NUP107: variants seen among roughly 807,000 people sequenced by gnomAD.
NUP107 encodes the protein nucleoporin 107.
A neutral mutation model predicts 141.0 loss-of-function variants in NUP107; 101 were observed. The observed-to-expected ratio is 0.72, with a 90% confidence interval of 0.61 to 0.84. NUP107 has a LOEUF of 0.84. Among genes scored for constraint, NUP107 ranks in the 40% least tolerant of loss-of-function variants. The pLI is 0.00. For missense variants in NUP107, 941 were observed against 1,102.7 expected (o/e 0.85, Z 2.08); for synonymous variants, 319 against 363.9 (o/e 0.88, Z 1.41).
intron 26 of NUP107, 84 bp downstream of exon 26, chr12:68,735,428 C>A (rs1251251413): frequency 1.1e-6 from 1 of 934,432 alleles, no homozygotes; most frequent in Non-Finnish European, 1.8e-6. Context: ...TAAATGGGAG[C>A]ATCTACAGAT....
At chr12:68,729,480 G>A (rs746086291) in intron 20 of NUP107, among the ~76,000 whole-genome samples, 9 of 146,114 alleles carry the variant, frequency 6.2e-5, no homozygotes, top group African/African-American at 1.0e-4. Context: ...TTTGATGCCC[G>A]GGCTGGAGTG....
chr12:68,699,892 GTGTTTT>G (rs950613861), intron 6 of NUP107, among the ~76,000 whole-genome samples: 5 of 151,950 alleles, frequency 3.3e-5, no homozygotes, highest in African/African-American at 4.8e-5. Context: ...TCCTGAAAAG[GTGTTTT>G]TGTTTTTGTT....
At chr12:68,714,135 G>GA (rs891143136) in intron 11 of NUP107, 160 of 194,514 alleles carry the variant, frequency 8.2e-4, no homozygotes, top group African/African-American at 3.4e-3. Context: ...GAAAGCAAGT[G>GA]AAAAAAAACT....
intron 8 of NUP107, among the ~76,000 whole-genome samples, chr12:68,704,896 C>T (rs141544199): frequency 1.5e-4 from 22 of 150,866 alleles, no homozygotes; most frequent in Non-Finnish European, 2.1e-4. Flanking sequence ...GTGGCCAGCA[C>T]GGCGGGGACA....
chr12:68,707,990 C>A (rs1876675977), intron 8 of NUP107, among the ~76,000 whole-genome samples: 1 of 151,966 alleles, frequency 6.6e-6, no homozygotes, highest in Non-Finnish European at 1.5e-5. Flanking sequence ...TCTTGGGAGG[C>A]TGAGGCATGA....
intron 12 of NUP107, among the ~76,000 whole-genome samples, chr12:68,716,512 T>C (rs1400973565): frequency 2.0e-5 from 3 of 152,170 alleles, no homozygotes; most frequent in African/African-American, 7.2e-5. Flanking sequence ...ATTGCAGGCA[T>C]GAGCCACTGC....
In NUP107 at chr12:68,702,753, C is replaced by T; in HGVS notation, c.698C>T (p.Ala233Val). ...ASLYRDRIQSALEEESVFAVT... is the reference protein window; with the variant it reads ...ASLYRDRIQSVLEEESVFAVT... ...TTCCCCAGAGACAGAATACAGTCTG[C>T]ATTAGAAGAGGAAAGTGTATTCGCA... The change falls in exon 8 of 28, where the codon GCA becomes GTA. Residue 233 changes from alanine (A) to valine (V), a missense_variant. Transcript: ENST00000229179. 1 of 1,546,906 alleles carries T rather than the reference C, an allele frequency of 6.5e-7. No individual in the cohort carries two copies. Among genetic ancestry groups the T allele is most frequent in the Admixed American group, 1.9e-5 (1 of 51,844 alleles).
At chr12:68,708,973 C>T (rs970821004) in intron 8 of NUP107, among the ~76,000 whole-genome samples, 1 of 152,088 alleles carries the variant, frequency 6.6e-6, no homozygotes. Context: ...AAAACACCAT[C>T]TCTGGGAAAA....
At chr12:68,714,476 T>C (rs1364388735) in intron 11 of NUP107, 1 of 152,236 alleles carries the variant, frequency 6.6e-6, no homozygotes, top group East Asian at 1.9e-4. Context: ...AAAGTGGTGA[T>C]TTCCTTTTGC....
chr12:68,687,780 T>C (rs1875570337), intron 1 of NUP107: 1 of 430,500 alleles, frequency 2.3e-6, no homozygotes, highest in African/African-American at 2.2e-5. Flanking sequence ...TTATTTAATC[T>C]TCAGAACAAG....
At position 68,721,890 on chromosome 12, in the gene NUP107, G is replaced by A. The variant is rs766395497; in HGVS notation, c.1361G>A (p.Arg454Gln). The A allele has an allele frequency of 2.5e-6, 4 of 1,614,034 alleles. No homozygotes were observed. The highest frequency in any genetic ancestry group is 1.7e-5 in the Admixed American group (1 of 59,996). Reference sequence around the variant, plus strand: ...GAAGACACAGTTTGGGCCTACTTCCGGGTGATGGTGGACAGTCTGGTAGAA... The same window carrying A: ...GAAGACACAGTTTGGGCCTACTTCCAGGTGATGGTGGACAGTCTGGTAGAA... ...TWEDTVWAYF[R>Q]VMVDSLVEQE... is the part of the protein sequence containing the mutation. Residue 454 changes from arginine (R) to glutamine (Q), a missense_variant, in exon 16 of 28, where the codon CGG becomes CAG. Transcript: ENST00000229179.
chr12:68,691,773 G>A (rs1875795421), intron 4 of NUP107, among the ~76,000 whole-genome samples, 195 bp from the exon 5 acceptor site: 1 of 151,650 alleles, frequency 6.6e-6, no homozygotes, highest in Non-Finnish European at 1.5e-5. Flanking sequence ...GGCAAAGGTT[G>A]CGTTGAGCCA....
intron 24 of NUP107, among the ~76,000 whole-genome samples, 197 bp from the exon 25 acceptor site, chr12:68,734,511 A>G (rs1877979590): frequency 6.6e-6 from 1 of 152,132 alleles, no homozygotes; most frequent in Non-Finnish European, 1.5e-5. Flanking sequence ...AACACAATAT[A>G]TATACCTTGT....
intron 4 of NUP107, among the ~76,000 whole-genome samples, 177 bp from the exon 5 acceptor site, chr12:68,691,791 G>A (rs1422779680): frequency 1.3e-5 from 2 of 150,906 alleles, no homozygotes; most frequent in East Asian, 1.9e-4. Context: ...CCATGATCGT[G>A]CCACTGAACT....
intron 5 of NUP107, among the ~76,000 whole-genome samples, chr12:68,693,059 T>C (rs1401253230): frequency 6.6e-6 from 1 of 150,522 alleles, no homozygotes; most frequent in Non-Finnish European, 1.5e-5. Context: ...CGCCAGCTAA[T>C]TTTTTATTTA....
Position 68,731,237 on chromosome 12 carries a change from G to C in NUP107, c.1862G>C (p.Cys621Ser). 6.2e-7 allele frequency: 1 copy of C among 1,601,712 alleles called. No homozygotes were observed. The highest frequency in any genetic ancestry group is 8.5e-7 in the Non-Finnish European group (1 of 1,175,702). Residue 621 changes from cysteine to serine, a missense_variant, in exon 21 of 28, where the codon TGC (cysteine) becomes TCC (serine). Transcript: ENST00000229179. The part of the protein sequence containing the change: ...SVTEFEQRHH[C>S]LELAKEADLD... ...ACAGAATTTGAACAGCGCCACCATT[G>C]CCTGGAGTTGGCTAAAGAAGCAGGT...
At chr12:68,695,958 G>C (rs1304706320) in intron 5 of NUP107, among the ~76,000 whole-genome samples, 1 of 151,002 alleles carries the variant, frequency 6.6e-6, no homozygotes, top group Non-Finnish European at 1.5e-5. Context: ...AGTGAGCCAT[G>C]ATTGCACCAC....
rs1565701933 is a variant in NUP107 at position 68,731,099 on chromosome 12, CT to C, written c.1735-10del. On this transcript the variant is annotated splice_polypyrimidine_tract_variant and intron_variant, in intron 20 of 27. Coordinates refer to ENST00000229179, the MANE Select transcript of NUP107 (RefSeq NM_020401.4). ...ATTATTGACATACTTTGATCTTTTT[CT>C]ATTTTTTAGCTTTTAATAAGAGAGA... 6.5e-7 allele frequency: 1 copy of C among 1,537,066 alleles called. No homozygotes were observed. The highest frequency in any genetic ancestry group is 1.2e-5 in the South Asian group (1 of 82,540).
intron 8 of NUP107, among the ~76,000 whole-genome samples, chr12:68,709,022 A>G (rs1876722888): frequency 1.3e-5 from 2 of 152,218 alleles, no homozygotes; most frequent in Non-Finnish European, 2.9e-5. Context: ...TCAATATACC[A>G]GGTAAGAGCA....
Sources: gnomAD v4.1 joint callset for allele counts (sites outside exome capture counted in the v4.1 genomes callset) on GRCh38, gnomAD v4.1.1 for gene constraint, MANE v1.5 for transcripts, NCBI Gene and HGNC (gene_info 2026-07-23, HGNC 2026-07-21) for gene names.